Variants in COG4 observed in about 807,000 individuals in gnomAD.
COG4 encodes the protein component of oligomeric golgi complex 4.
A neutral mutation model predicts 95.1 loss-of-function variants in COG4; 65 were observed. The observed-to-expected ratio is 0.68, with a 90% CI of 0.56 to 0.84. COG4 has a LOEUF of 0.84. Ranked by LOEUF, COG4 falls within the 40% of genes least tolerant of loss-of-function variation. COG4 has a pLI of 0.00. For missense variants in COG4, 1,045 were observed against 989.1 expected (o/e 1.06, Z -0.76); for synonymous variants, 421 against 374.8 (o/e 1.12, Z -1.42).
chr16:70,481,919 T>C, intron 16 of COG4, 54 bp from the exon 17 acceptor site: 1 of 1,506,676 alleles, frequency 6.6e-7, no homozygotes. Flanking sequence ...TCTGCCTCTA[T>C]GCTGGAGTCT....
chr16:70,490,038 G>A (rs985477956), intron 13 of COG4, among the ~76,000 whole-genome samples: 3 of 151,640 alleles, frequency 2.0e-5, no homozygotes, highest in African/African-American at 7.3e-5. Context: ...GGCTGGTCTC[G>A]AACTCCTGAC....
intron 7 of COG4, 92 bp from the exon 8 acceptor site, chr16:70,508,556 C>A: frequency 9.0e-7 from 1 of 1,114,548 alleles, no homozygotes; most frequent in Non-Finnish European, 1.4e-6. Flanking sequence ...CATACAAGAA[C>A]ATTTAGATTT....
chr16:70,520,523 A>G (rs915521105), intron 1 of COG4, among the ~76,000 whole-genome samples: 1 of 151,606 alleles, frequency 6.6e-6, no homozygotes, highest in Non-Finnish European at 1.5e-5. Context: ...TCCCAGCTAC[A>G]CAGGAGGCTG....
chr16:70,483,792 C>T, intron 14 of COG4, 61 bp downstream of exon 14: 1 of 1,309,742 alleles, frequency 7.6e-7, no homozygotes, highest in South Asian at 1.2e-5. Context: ...AGCCAGCTAA[C>T]AATCTTCTCA....
At chr16:70,517,118 T>G (rs909198374) in intron 3 of COG4, among the ~76,000 whole-genome samples, 1 of 152,152 alleles carries the variant, frequency 6.6e-6, no homozygotes, top group East Asian at 1.9e-4. Flanking sequence ...AGGCTGGTTT[T>G]GAACTTCTGG....
intron 13 of COG4, among the ~76,000 whole-genome samples, chr16:70,487,296 T>A (rs201567218): frequency 2.2e-3 from 272 of 121,408 alleles, no homozygotes; most frequent in East Asian, 0.013. Context: ...AAAATAAAAA[T>A]AAAAAAAAAA....
At position 70,514,342 on chromosome 16, in the gene COG4, G is replaced by T; in HGVS notation, c.537C>A (p.Gly179=). 3 of 1,614,104 alleles carry T rather than the reference G, an allele frequency of 1.9e-6. No individual in the cohort carries two copies. Among genetic ancestry groups the T allele is most frequent in the South Asian group, 2.2e-5 (2 of 91,074 alleles). Residue 179 remains glycine, a synonymous_variant, in exon 4 of 19, where the codon GGC becomes GGA. Coordinates refer to ENST00000323786, the MANE Select transcript of COG4 (RefSeq NM_015386.3). ...DKSVIELSRQ[G]KEGSMIDANL... ...ACAGTTTCGGATGCTGACCCTCTTT[G>T]CCCTGTCGGCTGAGCTCAATGACCG...
In COG4 at chr16:70,482,099, T is replaced by G; in HGVS notation, c.1997A>C (p.Glu666Ala). Residue 666 changes from glutamate to alanine, a missense_variant, in exon 16 of 19, where the codon GAG becomes GCG. Coordinates refer to ENST00000323786, the MANE Select transcript of COG4 (RefSeq NM_015386.3). ...CCTAGGGCCCCTGCTCACCTTGAAC[T>G]CTGCCATTTGCTGCTCCAGGTTAAG... is the stretch of plus-strand genomic sequence containing the variant. ...FILNLEQQMA[E>A]FKASLSPVIY... The G allele has an allele frequency of 6.2e-7, 1 of 1,613,626 alleles. No homozygotes were observed. The highest frequency in any genetic ancestry group is 2.2e-5 in the East Asian group (1 of 44,880).
Position 70,512,302 on chromosome 16 carries a change from G to A in COG4, c.675C>T (p.Ile225=). Residue 225 remains isoleucine (I), a synonymous_variant, in exon 5 of 19, where the codon ATC becomes ATT. Transcript: ENST00000323786. ...CCTCATGCAAACCCAGCAGTGGGAA[G>A]ATCTTGAAGAAGCGCTCCACCTGGG... ...DLPQVERFFK[I]FPLLGLHEEG... is the part of the protein sequence containing the mutation. 2 of 1,614,210 alleles carry A rather than the reference G, an allele frequency of 1.2e-6. No homozygotes were observed. The highest frequency in any genetic ancestry group is 1.7e-6 in the Non-Finnish European group (2 of 1,180,038).
chr16:70,482,760 C>G lies in COG4; in HGVS notation c.1889G>C (p.Ser630Thr). Residue 630 changes from serine to threonine, a missense_variant, in exon 15 of 19, where the codon AGC (serine) becomes ACC (threonine). Physicochemically the swap from Ser to Thr is moderately conservative, Grantham distance 58. Transcript: ENST00000323786. ...IKPQVQPWIN[S>T]FFSVSHNIEE... ...GATGTTGTGGGAGACGGAGAAAAAG[C>G]TGTTGATCCAAGGCTGCACCTGTGG... The G allele has an allele frequency of 6.2e-7, 1 of 1,613,914 alleles. No individual in the cohort carries two copies. The highest frequency in any genetic ancestry group is 1.3e-5 in the African/African-American group (1 of 75,000).
intron 8 of COG4, among the ~76,000 whole-genome samples, chr16:70,504,609 T>TAAAAAAA (rs66751123): frequency 3.3e-5 from 4 of 121,944 alleles, no homozygotes; most frequent in African/African-American, 1.4e-4. Context: ...AGATTCTATT[T>TAAAAAAA]AAAAAAAAAA....
rs1392098429 is a variant in COG4, at chr16:70,497,290, G to C, written c.1412C>G (p.Ser471Cys). Residue 471 changes from serine to cysteine, a missense_variant, in exon 11 of 19, where the codon TCC becomes TGC. By Grantham distance (112) the Ser-to-Cys change is moderately radical (BLOSUM62 -1). Coordinates refer to ENST00000323786, the MANE Select transcript of COG4 (RefSeq NM_015386.3). Reference protein sequence around the residue: ...IVKKCIGRALSSSSIDCLCAM... With the variant: ...IVKKCIGRALCSSSIDCLCAM... ...ACAGAGACAGTCAATGCTGGAGCTG[G>C]ACAGAGCCCGCCCAATGCACTTCTT... is the stretch of plus-strand genomic sequence containing the variant. The C allele has an allele frequency of 6.2e-7, 1 of 1,614,106 alleles. No homozygotes were observed. The highest frequency in any genetic ancestry group is 8.5e-7 in the Non-Finnish European group (1 of 1,180,024).
intron 13 of COG4, among the ~76,000 whole-genome samples, chr16:70,486,557 G>A (rs968085679): frequency 1.3e-5 from 2 of 152,198 alleles, no homozygotes; most frequent in East Asian, 3.8e-4. Context: ...TGGGATTTAC[G>A]GGAATAGGTT....
intron 14 of COG4, among the ~76,000 whole-genome samples, chr16:70,483,549 G>A (rs1000720813): frequency 5.3e-5 from 8 of 151,996 alleles, no homozygotes; most frequent in Non-Finnish European, 7.4e-5. Flanking sequence ...CAGCACCTGC[G>A]GCTAGGTCAG....
intron 1 of COG4, among the ~76,000 whole-genome samples, chr16:70,522,049 G>A (rs2049957147): frequency 6.9e-6 from 1 of 144,958 alleles, no homozygotes; most frequent in Non-Finnish European, 1.5e-5. Flanking sequence ...CCAGGCTAGA[G>A]TGTAATGGCG....
chr16:70,506,131 T>G (rs2049561254), intron 8 of COG4, among the ~76,000 whole-genome samples: 1 of 151,820 alleles, frequency 6.6e-6, no homozygotes, highest in Non-Finnish European at 1.5e-5. Context: ...GTGCGGTGGC[T>G]CATGCCTGTA....
At chr16:70,514,547 T>C in intron 3 of COG4, 38 bp from the exon 4 acceptor site, 1 of 1,598,844 alleles carries the variant, frequency 6.3e-7, no homozygotes, top group Non-Finnish European at 8.6e-7. Context: ...AATGTCCTAT[T>C]CTTTCAAAAA....
At chr16:70,483,296 C>T (rs115499354) in intron 14 of COG4, among the ~76,000 whole-genome samples, 6,741 of 95,996 alleles carry the variant, frequency 0.07, 1,521 homozygotes, top group African/African-American at 0.33. Flanking sequence ...ACCCCATCCT[C>T]CTCTCCTCTC....
At chr16:70,483,319 C>T (rs565804259) in intron 14 of COG4, among the ~76,000 whole-genome samples, 6 of 131,254 alleles carry the variant, frequency 4.6e-5, no homozygotes, top group African/African-American at 1.0e-4. Flanking sequence ...CATCCCTTCC[C>T]TCTCTCCTCT....
Sources: gnomAD v4.1 joint callset for allele counts (sites outside exome capture counted in the v4.1 genomes callset) on GRCh38, gnomAD v4.1.1 for gene constraint, MANE v1.5 for transcripts, NCBI Gene and HGNC (gene_info 2026-07-23, HGNC 2026-07-21) for gene names.